The following LTN1 variants were observed in gnomAD, a reference collection of about 807,000 sequenced individuals.
LTN1 encodes listerin E3 ubiquitin protein ligase 1, also known as E3 ubiquitin-protein ligase listerin.
A neutral mutation model predicts 201.2 loss-of-function variants in LTN1; 88 were observed. That is an observed-to-expected ratio of 0.44 (90% CI 0.37 to 0.52). The LOEUF is 0.52. Among genes scored for constraint, LTN1 ranks in the 20% least tolerant of loss-of-function variants. The pLI is 0.00. For missense variants in LTN1, 1,752 were observed against 2,038.7 expected, an observed-to-expected ratio of 0.86 and a Z score of 2.71; for synonymous variants, 645 against 713.5, an observed-to-expected ratio of 0.90 and a Z score of 1.53.
At chr21:28,982,428 C>T in intron 4 of LTN1, 60 bp from the exon 5 acceptor site, 1 of 1,230,086 alleles carries the variant, frequency 8.1e-7, no homozygotes, top group South Asian at 1.2e-5. Context: ...GGTGAACAGA[C>T]AGAGCCTAGT....
intron 9 of LTN1, among the ~76,000 whole-genome samples, chr21:28,969,090 G>A (rs867108939): frequency 5.9e-5 from 9 of 151,858 alleles, no homozygotes; most frequent in East Asian, 2.0e-4. Context: ...GTGTGGTGGC[G>A]GGTGCCTGTA....
intron 10 of LTN1, 139 bp from the exon 11 acceptor site, chr21:28,966,045 C>A: frequency 1.6e-6 from 1 of 625,446 alleles, no homozygotes. Flanking sequence ...GTAGCTGGGA[C>A]TACATGCATG....
At chr21:28,991,513 T>C (rs967334076) in intron 1 of LTN1, among the ~76,000 whole-genome samples, 1 of 152,144 alleles carries the variant, frequency 6.6e-6, no homozygotes, top group Non-Finnish European at 1.5e-5. Flanking sequence ...CTCTTATAAG[T>C]TCAGAAAAAT....
chr21:28,991,980 G>A (rs2084749992), intron 1 of LTN1, among the ~76,000 whole-genome samples: 1 of 152,216 alleles, frequency 6.6e-6, no homozygotes, highest in Admixed American at 6.5e-5. Context: ...TCTATTAGGT[G>A]CCAGTCTGTT....
chr21:28,962,902 G>T (rs904290612), intron 11 of LTN1, among the ~76,000 whole-genome samples: 2 of 152,174 alleles, frequency 1.3e-5, no homozygotes, highest in Non-Finnish European at 2.9e-5. Flanking sequence ...AAGTTTTAGT[G>T]GTCCAGACAG....
intron 3 of LTN1, 100 bp from the exon 4 acceptor site, chr21:28,985,022 C>T: frequency 2.7e-6 from 2 of 749,892 alleles, no homozygotes; most frequent in Admixed American, 2.9e-5. Context: ...AAGAATTCAC[C>T]TATGTATTAA....
intron 5 of LTN1, 92 bp from the exon 6 acceptor site, chr21:28,981,391 T>C: frequency 1.5e-6 from 1 of 685,754 alleles, no homozygotes; most frequent in Non-Finnish European, 2.1e-6. Flanking sequence ...TATCATTAAA[T>C]ATCTACCAAA....
intron 11 of LTN1, 52 bp downstream of exon 11, chr21:28,965,813 T>A: frequency 9.6e-7 from 1 of 1,046,490 alleles, no homozygotes; most frequent in Non-Finnish European, 1.4e-6. Flanking sequence ...GGTTATAATA[T>A]TTCTATTCCC....
chr21:28,936,740 A>C, intron 25 of LTN1, 43 bp from the exon 26 acceptor site: 1 of 1,476,546 alleles, frequency 6.8e-7, no homozygotes, highest in Non-Finnish European at 9.3e-7. Flanking sequence ...AAATACACCA[A>C]GACAATTGGT....
chr21:28,950,843 C>T (rs2146277487), intron 18 of LTN1, among the ~76,000 whole-genome samples: 1 of 152,098 alleles, frequency 6.6e-6, no homozygotes, highest in South Asian at 2.1e-4. Context: ...TCTTAAATGA[C>T]ATAATTACAA....
chr21:28,964,797 C>G (rs1166279393), intron 11 of LTN1: 2 of 1,522,592 alleles, frequency 1.3e-6, no homozygotes, highest in African/African-American at 2.8e-5. Flanking sequence ...TTAGTCTACT[C>G]TTATCAAATT....
At position 28,992,859 on chromosome 21, in the gene LTN1, G is replaced by C. The variant is rs767341921; in HGVS notation, c.-54C>G. 5.6e-6 allele frequency: 9 copies of C among 1,613,850 alleles called. No homozygotes were observed. The highest frequency in any genetic ancestry group is 4.0e-5 in the African/African-American group (3 of 74,918). ...CTCAGACCCCGGTTGACACGTCCGGGACACAACTTCCGGCTTCTGGCGGCG... is the reference window on the plus strand; with the variant it reads ...CTCAGACCCCGGTTGACACGTCCGGCACACAACTTCCGGCTTCTGGCGGCG... On this transcript the variant is annotated 5_prime_UTR_variant, in exon 1 of 30. Coordinates refer to ENST00000361371, the MANE Select transcript of LTN1 (RefSeq NM_015565.3).
chr21:28,935,614 G>C (rs1049408240), intron 26 of LTN1, among the ~76,000 whole-genome samples: 1 of 152,108 alleles, frequency 6.6e-6, no homozygotes, highest in African/African-American at 2.4e-5. Flanking sequence ...GCCGAGGTGG[G>C]TGGATCACGA....
intron 25 of LTN1, among the ~76,000 whole-genome samples, chr21:28,938,028 G>A (rs1412538618): frequency 6.6e-6 from 1 of 151,928 alleles, no homozygotes; most frequent in African/African-American, 2.4e-5. Flanking sequence ...AAAACAGCTG[G>A]CCAAAACAAT....
chr21:28,959,908 T>C (rs1039586332), intron 12 of LTN1: 2 of 404,002 alleles, frequency 5.0e-6, no homozygotes, highest in African/African-American at 3.1e-5. Flanking sequence ...AGAAATGGTC[T>C]ACAGTTAGGG....
intron 9 of LTN1, among the ~76,000 whole-genome samples, chr21:28,969,006 A>G (rs1449605548): frequency 6.6e-6 from 1 of 151,652 alleles, no homozygotes; most frequent in African/African-American, 2.4e-5. Flanking sequence ...AGATCACCTG[A>G]GGTCAGCAGT....
Position 28,953,273 on chromosome 21 carries a change from A to G in LTN1, c.3183T>C (p.Tyr1061=). 1 of 1,603,016 alleles carries G rather than the reference A, an allele frequency of 6.2e-7. No homozygotes were observed. The highest frequency in any genetic ancestry group is 8.5e-7 in the Non-Finnish European group (1 of 1,176,384). The stretch of plus-strand genomic sequence containing the variant: ...TATTACCAAGTACACGTAAGTTATC[A>G]TACGTAATATTCATTTTTTGAAGTA... ...CEILQKMNIT[Y]DNLRVLGNTS... Residue 1061 remains tyrosine (Y), a synonymous_variant, in exon 17 of 30, where the codon TAT becomes TAC. Coordinates refer to ENST00000361371, the MANE Select transcript of LTN1 (RefSeq NM_015565.3).
At chr21:28,972,336 C>G (rs2084581633) in intron 6 of LTN1, among the ~76,000 whole-genome samples, 1 of 152,146 alleles carries the variant, frequency 6.6e-6, no homozygotes, top group Non-Finnish European at 1.5e-5. Flanking sequence ...TTGGTACCTG[C>G]AGGGGATTGG....
At chr21:28,940,502 AG>A (rs2084288833) in intron 25 of LTN1, among the ~76,000 whole-genome samples, 1 of 152,220 alleles carries the variant, frequency 6.6e-6, no homozygotes, top group Admixed American at 6.5e-5. Context: ...GTGATTTTCA[AG>A]TAAGGTAAAT....
Sources: gnomAD v4.1 joint callset for allele counts (sites outside exome capture counted in the v4.1 genomes callset) on GRCh38, gnomAD v4.1.1 for gene constraint, MANE v1.5 for transcripts, NCBI Gene and HGNC (gene_info 2026-07-23, HGNC 2026-07-21) for gene names.